The following RSPH10B2 variants were observed in gnomAD, a reference collection of about 807,000 sequenced individuals.
The protein encoded by RSPH10B2 is radial spoke head 10 homolog B2.
In RSPH10B2, 9 loss-of-function variants were observed where a neutral mutation model predicts 49.0. The observed-to-expected ratio is 0.18, with a 90% CI of 0.11 to 0.32. The LOEUF is 0.32. RSPH10B2 is among the 10% of genes least tolerant of loss of function. RSPH10B2 has a pLI of 1.00. For synonymous variants in RSPH10B2, 35 were observed against 210.2 expected (o/e 0.17, Z 7.21); for missense variants, 95 against 589.9 (o/e 0.16, Z 8.69).
chr7:6,782,841 C>T (rs566791983), intron 13 of RSPH10B2, among the ~76,000 whole-genome samples: 3,634 of 118,332 alleles, frequency 0.031, 597 homozygotes, highest in African/African-American at 0.12. Context: ...TGGAATTGTG[C>T]CACTGCACTC....
chr7:6,770,701 C>A (rs1252334821), intron 7 of RSPH10B2, among the ~76,000 whole-genome samples: 1 of 150,576 alleles, frequency 6.6e-6, no homozygotes, highest in Non-Finnish European at 1.5e-5. Context: ...GTCAGGAGAT[C>A]GAGACCATCC....
upstream of RSPH10B2, chr7:6,754,198 T>G (rs1381323375): frequency 2.1e-5 from 3 of 139,612 alleles, no homozygotes; most frequent in African/African-American, 8.3e-5. Flanking sequence ...GCCGCGGTCC[T>G]GCCTACGCCG....
intron 3 of RSPH10B2, chr7:6,761,583 A>C (rs1198391388): frequency 5.3e-5 from 8 of 152,152 alleles, no homozygotes; most frequent in African/African-American, 1.7e-4. Flanking sequence ...TATTTTATTT[A>C]TTTTTGTGGG....
chr7:6,786,073 C>CACA lies in RSPH10B2; in HGVS notation c.1866+19_1866+21dup. On this transcript the variant is annotated intron_variant, in intron 14 of 18. Coordinates refer to ENST00000297186, the Ensembl canonical transcript of RSPH10B2. ...GAACCTGAGGTTTGTAAAGAGCCAT[C>CACA]ACAAATGGTACAGATCCAATTCAGG... 1.3e-6 allele frequency: 1 copy of CACA among 785,354 alleles called. No homozygotes were observed. Among genetic ancestry groups the CACA allele is most frequent in the Admixed American group, 2.2e-5 (1 of 44,878 alleles). 48.6% of individuals were successfully genotyped at this position (785,354 alleles called of 1,614,324 possible).
intron 18 of RSPH10B2, among the ~76,000 whole-genome samples, chr7:6,797,350 C>A (rs1180972011): frequency 6.6e-6 from 1 of 150,604 alleles, no homozygotes. Flanking sequence ...CCTGTGGACT[C>A]TTTGGGGTAA....
chr7:6,765,913 C>T, intron 5 of RSPH10B2, 122 bp downstream of exon 7: 4 of 862,036 alleles, frequency 4.6e-6, no homozygotes, highest in Non-Finnish European at 6.2e-6. Flanking sequence ...TCTCTCTAAG[C>T]AGAGTGGATT....
chr7:6,795,571 G>C (rs1782518165), intron 17 of RSPH10B2, among the ~76,000 whole-genome samples: 1 of 116,474 alleles, frequency 8.6e-6, no homozygotes, highest in Non-Finnish European at 1.9e-5. Context: ...TCAGGAGTTT[G>C]AGACCATGGG....
chr7:6,770,829 C>CA (rs1392292811), intron 7 of RSPH10B2, among the ~76,000 whole-genome samples: 1 of 151,786 alleles, frequency 6.6e-6, no homozygotes, highest in African/African-American at 2.4e-5. Flanking sequence ...GGTGTGAACC[C>CA]AGGAGGCAGA....
upstream of RSPH10B2, among the ~76,000 whole-genome samples, chr7:6,752,112 A>AGCCCTGATT (rs1442616004): frequency 9.2e-5 from 14 of 151,652 alleles, no homozygotes; most frequent in Admixed American, 1.3e-4. Flanking sequence ...AGTGATTCTC[A>AGCCCTGATT]GCCCTGATTC....
At chr7:6,779,984 T>G (rs868581134) in intron 11 of RSPH10B2, among the ~76,000 whole-genome samples, 1,441 of 134,682 alleles carry the variant, frequency 0.011, 117 homozygotes, top group African/African-American at 0.036. Flanking sequence ...ATTTTTTTTT[T>G]TTTTTTTTTT....
chr7:6,752,185 AG>A (rs1294079509), upstream of RSPH10B2, among the ~76,000 whole-genome samples: 1 of 149,600 alleles, frequency 6.7e-6, no homozygotes. Context: ...TGGATGGGAC[AG>A]GGGTCACTAT....
Position 6,782,073 on chromosome 7 carries a change from C to T in RSPH10B2, c.1758+597C>T, listed in dbSNP as rs552840237. Among the ~76,000 whole-genome samples, 171 of 110,210 alleles carry T rather than the reference C, an allele frequency of 1.6e-3. 32 individuals carry two copies. The highest frequency in any genetic ancestry group is 5.8e-3 in the African/African-American group (163 of 28,324). 72.3% of individuals were successfully genotyped at this position (110,210 alleles called of 152,430 possible). The stretch of plus-strand genomic sequence containing the variant: ...GGATTACAGGTGCCCGCCACCACAC[C>T]TGGCTAATTTTTGTATTTTTAGTAG... On this transcript the variant is annotated intron_variant, in intron 13 of 18. Transcript: ENST00000297186.
chr7:6,793,915 C>T (rs1319623895), intron 17 of RSPH10B2, among the ~76,000 whole-genome samples: 1 of 152,136 alleles, frequency 6.6e-6, no homozygotes, highest in African/African-American at 2.4e-5. Flanking sequence ...TTTCCCTGCT[C>T]CTTTGCTGCT....
At chr7:6,791,351 C>G (rs1390269603) in intron 16 of RSPH10B2, among the ~76,000 whole-genome samples, 1 of 143,882 alleles carries the variant, frequency 7.0e-6, no homozygotes, top group Non-Finnish European at 1.5e-5. Context: ...ACCCAGGTGA[C>G]ATTTTCAAGT....
At chr7:6,795,513 C>T (rs1452018202) in intron 17 of RSPH10B2, among the ~76,000 whole-genome samples, 1 of 103,284 alleles carries the variant, frequency 9.7e-6, no homozygotes, top group African/African-American at 3.6e-5. Context: ...AGGCTCATGC[C>T]TGTAATCCCA....
rs1260887939 is a variant in RSPH10B2, at chr7:6,786,484, G to A, written c.1867-394G>A. Among the ~76,000 whole-genome samples, 4 of 107,792 alleles carry A rather than the reference G, an allele frequency of 3.7e-5. 1 individual carries two copies. Among genetic ancestry groups the A allele is most frequent in the African/African-American group, 7.9e-5 (2 of 25,336 alleles). 70.7% of individuals were successfully genotyped at this position (107,792 alleles called of 152,430 possible). ...GCTGGGATTACAGGCATGAGCCACC[G>A]CGCCCAGCCTTCAGCTGATTTTTTA... On this transcript the variant is annotated intron_variant, in intron 14 of 18. Transcript: ENST00000297186.
At chr7:6,756,135 T>A (rs542290834), upstream of RSPH10B2, among the ~76,000 whole-genome samples, 1 of 145,278 alleles carries the variant, frequency 6.9e-6, no homozygotes, top group African/African-American at 2.7e-5. Flanking sequence ...CCAGGTGTGG[T>A]GGTGGGTGCC....
chr7:6,767,058 G>A (rs1259458414), intron 6 of RSPH10B2, among the ~76,000 whole-genome samples, 181 bp downstream of exon 8: 1 of 82,300 alleles, frequency 1.2e-5, no homozygotes, highest in East Asian at 2.3e-4. Flanking sequence ...TCCACCTCCC[G>A]GGTTCAAGCA....
chr7:6,765,871 A>G (rs1781444053), intron 5 of RSPH10B2, 80 bp downstream of exon 7: 5 of 1,154,876 alleles, frequency 4.3e-6, no homozygotes, highest in Non-Finnish European at 5.7e-6. Flanking sequence ...CGGATATTTA[A>G]AAGTAAGATG....
Sources: allele counts gnomAD v4.1 joint callset (sites outside exome capture counted in the v4.1 genomes callset), GRCh38; gene constraint gnomAD v4.1.1; transcripts MANE v1.5; gene names NCBI Gene and HGNC (gene_info 2026-07-23, HGNC 2026-07-21).